The following KCNH6 variants were observed in gnomAD, a reference collection of about 807,000 sequenced individuals.
KCNH6 encodes the protein voltage-gated inwardly rectifying potassium channel KCNH6.
KCNH6 carries 81 observed loss-of-function variants against 83.4 expected under a neutral mutation model. That is an observed-to-expected ratio of 0.97 (90% confidence interval 0.81 to 1.17). KCNH6 has a LOEUF of 1.17. Ranked by LOEUF, KCNH6 falls within the 50% of genes most tolerant of loss-of-function variation. The pLI is 0.00. For synonymous variants in KCNH6, 503 were observed against 545.6 expected (o/e 0.92, Z 1.09); for missense variants, 1,203 against 1,290.5 (o/e 0.93, Z 1.04).
Position 63,533,786 on chromosome 17 carries a change from C to A in KCNH6, c.676-100C>A. ...TCTGCCCACCAGAGCCGTGGTCACC[C>A]ACCCTCTCCCACTACACCTTCCCCA... On this transcript the variant is annotated intron_variant, in intron 4 of 12. Coordinates refer to ENST00000314672, the MANE Select transcript of KCNH6 (RefSeq NM_001278919.2). This position sits in a 1 kb window ranked among gnomAD's most constrained non-coding sequence, Gnocchi z 4.1. 8.7e-7 allele frequency: 1 copy of A among 1,145,794 alleles called. No homozygotes were observed. The highest frequency in any genetic ancestry group is 1.2e-6 in the Non-Finnish European group (1 of 801,198). The allele number at this position is 1,145,794 out of a possible 1,614,324, so 71.0% of individuals were successfully genotyped here.
In KCNH6 at chr17:63,538,550, C is replaced by G. The variant is rs373314435; in HGVS notation, c.1842C>G (p.His614Gln). 1.7e-5 allele frequency: 28 copies of G among 1,611,436 alleles called. No homozygotes were observed. The African/African-American group carries it at 3.6e-4, about 21-fold the overall frequency. The part of the protein sequence containing the change: ...RALAVKFKTT[H>Q]APPGDTLVHL... ...TAGCCGTCAAGTTCAAGACCACCCACGCGCCGCCTGGGGACACGCTGGTGC... is the reference window on the plus strand; with the variant it reads ...TAGCCGTCAAGTTCAAGACCACCCAGGCGCCGCCTGGGGACACGCTGGTGC... Residue 614 changes from histidine (H) to glutamine (Q), a missense_variant, in exon 8 of 13, where the codon CAC becomes CAG. Transcript: ENST00000314672. The surrounding 1 kb of genome is among the most constrained non-coding windows in gnomAD (Gnocchi z 4.0).
chr17:63,547,332 C>G (rs138261654), downstream of KCNH6, among the ~76,000 whole-genome samples: 168 of 72,728 alleles, frequency 2.3e-3, 1 homozygote, highest in African/African-American at 8.4e-3. Flanking sequence ...GCCAGGAGTC[C>G]AAGGTTACAG....
At position 63,523,380 on chromosome 17, in the gene KCNH6, G is replaced by A; in HGVS notation, c.-34G>A. The A allele has an allele frequency of 1.3e-6, 2 of 1,563,492 alleles. No individual in the cohort carries two copies. The highest frequency in any genetic ancestry group is 1.7e-6 in the Non-Finnish European group (2 of 1,158,020). Reference sequence around the variant, plus strand: ...GACGGAGACGCCGGGAGCCAGTGGCGCCTGTGGCTCCGGGCAGGGGCCGCG... The same window carrying A: ...GACGGAGACGCCGGGAGCCAGTGGCACCTGTGGCTCCGGGCAGGGGCCGCG... On this transcript the variant is annotated 5_prime_UTR_variant, in exon 1 of 13. Transcript: ENST00000314672. The surrounding 1 kb of genome is among the most constrained non-coding windows in gnomAD (Gnocchi z 4.2).
chr17:63,541,855 C>G (rs1445509905), intron 8 of KCNH6, among the ~76,000 whole-genome samples: 1 of 152,220 alleles, frequency 6.6e-6, no homozygotes, highest in Non-Finnish European at 1.5e-5. Context: ...TCCCTGCACC[C>G]TGCTCCACAG....
rs759305615 is a variant in KCNH6 at position 63,545,782 on chromosome 17, A to G, written c.2757A>G (p.Gln919=). Residue 919 remains glutamine (Q), a synonymous_variant, in exon 13 of 13, where the codon CAA becomes CAG. Transcript: ENST00000314672. ...CACCTCTACATCCCCTGGAAGTACA[A>G]GGACTCATCTGTGGTCCCTGCTTCT... is the stretch of plus-strand genomic sequence containing the variant. ...LASPLHPLEV[Q]GLICGPCFSS... is the part of the protein sequence containing the mutation. 2 of 1,614,178 alleles carry G rather than the reference A, an allele frequency of 1.2e-6. No homozygotes were observed. Among genetic ancestry groups the G allele is most frequent in the Non-Finnish European group, 1.7e-6 (2 of 1,180,030 alleles).
intron 8 of KCNH6, among the ~76,000 whole-genome samples, chr17:63,539,334 C>T (rs2032728408): frequency 1.3e-5 from 2 of 152,156 alleles, no homozygotes; most frequent in Admixed American, 1.3e-4. Flanking sequence ...GCAGCCCTCC[C>T]CCTCTGCTTC....
At position 63,533,914 on chromosome 17, in the gene KCNH6, C is replaced by G. The variant is rs146488435; in HGVS notation, c.704C>G (p.Pro235Arg). 8.7e-6 allele frequency: 14 copies of G among 1,613,746 alleles called. No homozygotes were observed. The highest frequency in any genetic ancestry group is 1.0e-5 in the Non-Finnish European group (12 of 1,179,822). The change falls in exon 5 of 13, where the codon CCG (proline) becomes CGG (arginine). Residue 235 changes from proline (P) to arginine (R), a missense_variant. Physicochemically the swap from Pro to Arg is moderately radical, Grantham distance 103. Transcript: ENST00000314672. The surrounding 1 kb of genome is among the most constrained non-coding windows in gnomAD (Gnocchi z 4.1). ...QVLSLGADVL[P>R]EYKLQAPRIH... ...CTGTCCCTGGGCGCGGATGTGCTGC[C>G]GGAGTACAAGCTGCAGGCGCCGCGC...
chr17:63,540,466 A>G (rs1398600367), intron 8 of KCNH6, among the ~76,000 whole-genome samples: 2 of 151,920 alleles, frequency 1.3e-5, no homozygotes, highest in Non-Finnish European at 2.9e-5. Context: ...GGGAGGGATG[A>G]TTATTATTAT....
At chr17:63,528,726 C>G (rs2031883567) in intron 2 of KCNH6, among the ~76,000 whole-genome samples, 2 of 152,230 alleles carry the variant, frequency 1.3e-5, no homozygotes, top group Non-Finnish European at 2.9e-5. Context: ...GGATCCTGCC[C>G]TTTGGGCCTG....
Position 63,538,052 on chromosome 17 carries a change from G to GC in KCNH6, c.1502-9dup. 6.2e-7 allele frequency: 1 copy of GC among 1,610,540 alleles called. No homozygotes were observed. Among genetic ancestry groups the GC allele is most frequent in the South Asian group, 1.1e-5 (1 of 90,938 alleles). ...GGGGCCGCGGAGGAGCTCACTCTCC[G>GC]CCCCGCCCCCAGCCCTGATGTACGC... On this transcript the variant is annotated splice_polypyrimidine_tract_variant and intron_variant, in intron 6 of 12. Transcript: ENST00000314672. The surrounding 1 kb of genome is among the most constrained non-coding windows in gnomAD (Gnocchi z 4.0).
At position 63,535,888 on chromosome 17, in the gene KCNH6, G is replaced by A. The variant is rs1398991166; in HGVS notation, c.1321G>A (p.Gly441Ser). The change falls in exon 6 of 13, where the codon GGT becomes AGT. Residue 441 changes from glycine (G) to serine (S), a missense_variant. By Grantham distance (56) the Gly-to-Ser change is moderately conservative (BLOSUM62 0). Coordinates refer to ENST00000314672, the MANE Select transcript of KCNH6 (RefSeq NM_001278919.2). This position sits in a 1 kb window ranked among gnomAD's most constrained non-coding sequence, Gnocchi z 4.9. Reference protein sequence around the residue: ...EHKIGWLDSLGVQLGKRYNGS... With the variant: ...EHKIGWLDSLSVQLGKRYNGS... The stretch of plus-strand genomic sequence containing the variant: ...CAAGATCGGCTGGCTGGACAGCCTG[G>A]GTGTGCAGCTTGGCAAGCGCTACAA... 1 of 1,614,126 alleles carries A rather than the reference G, an allele frequency of 6.2e-7. No individual in the cohort carries two copies.
In KCNH6 at chr17:63,538,437, C is replaced by G. The variant is rs774318552; in HGVS notation, c.1729C>G (p.Gln577Glu). The G allele has an allele frequency of 1.1e-5, 18 of 1,602,308 alleles. No homozygotes were observed. Among genetic ancestry groups the G allele is most frequent in the Non-Finnish European group, 1.4e-5 (16 of 1,175,184 alleles). ...GCTGAAGGGCTTCCCCGAGTGCCTGCAGGCTGACATCTGCCTGCACCTGCA... is the reference window on the plus strand; with the variant it reads ...GCTGAAGGGCTTCCCCGAGTGCCTGGAGGCTGACATCTGCCTGCACCTGCA... ...AVLKGFPECL[Q>E]ADICLHLHRA... The change falls in exon 8 of 13, where the codon CAG (glutamine) becomes GAG (glutamate). Residue 577 changes from glutamine to glutamate, a missense_variant. Physicochemically the swap from Gln to Glu is conservative, Grantham distance 29 (BLOSUM62 2). Transcript: ENST00000314672. This position sits in a 1 kb window ranked among gnomAD's most constrained non-coding sequence, Gnocchi z 4.0.
In KCNH6 at chr17:63,534,020, G is replaced by A. The variant is rs767270955; in HGVS notation, c.810G>A (p.Thr270=). Residue 270 remains threonine, a synonymous_variant, in exon 5 of 13, where the codon ACG becomes ACA. Transcript: ENST00000314672. This position sits in a 1 kb window ranked among gnomAD's most constrained non-coding sequence, Gnocchi z 5.0. ...DWLILLLVIY[T]AVFTPYSAAF... ...TCATCCTGCTGCTGGTCATCTACACGGCTGTCTTCACGCCCTACTCAGCCG... is the reference window on the plus strand; with the variant it reads ...TCATCCTGCTGCTGGTCATCTACACAGCTGTCTTCACGCCCTACTCAGCCG... The A allele has an allele frequency of 3.0e-5, 48 of 1,614,036 alleles. No individual in the cohort carries two copies. Among genetic ancestry groups the A allele is most frequent in the East Asian group, 4.5e-5 (2 of 44,896 alleles).
chr17:63,539,065 A>G (rs1462291468), intron 8 of KCNH6, among the ~76,000 whole-genome samples: 1 of 152,178 alleles, frequency 6.6e-6, no homozygotes. Flanking sequence ...CAGTGCAGAC[A>G]CAGGGATAGC....
At position 63,542,431 on chromosome 17, in the gene KCNH6, G is replaced by T; in HGVS notation, c.2145G>T (p.Arg715=). ...WSKLEVTFNL[R]DAAGGLHSSP... ...AGCTGGAGGTCACCTTCAACCTGCGGGACGTGAGTCAGGGCCAGGTGGGCC... is the reference window on the plus strand; with the variant it reads ...AGCTGGAGGTCACCTTCAACCTGCGTGACGTGAGTCAGGGCCAGGTGGGCC... Residue 715 remains arginine (R), a synonymous_variant, in exon 9 of 13, where the codon CGG becomes CGT. Transcript: ENST00000314672. 3 of 1,613,730 alleles carry T rather than the reference G, an allele frequency of 1.9e-6. No homozygotes were observed. Among genetic ancestry groups the T allele is most frequent in the Non-Finnish European group, 2.5e-6 (3 of 1,179,796 alleles).
chr17:63,524,033 T>G lies in KCNH6; in HGVS notation c.77-106T>G. The G allele has an allele frequency of 1.3e-5, 10 of 798,244 alleles. No homozygotes were observed. In the South Asian group the frequency reaches 1.5e-4, roughly 12 times the overall value. 49.4% of individuals were successfully genotyped at this position (798,244 alleles called of 1,614,324 possible). A position where few individuals can be genotyped will look rare whatever the true frequency, so the allele number is the denominator to read the frequency against. ...CTCATTCCGGTCACTGCCCTGCTCC[T>G]CTGCCTAAATTCCCCTTACTGCCAC... On this transcript the variant is annotated intron_variant, in intron 1 of 12. Transcript: ENST00000314672.
In KCNH6 at chr17:63,534,586, G is replaced by A. The variant is rs377132995; in HGVS notation, c.1101+275G>A. Among the ~76,000 whole-genome samples the A allele has an allele frequency of 1.3e-5, 2 of 151,902 alleles. No homozygotes were observed. The highest frequency in any genetic ancestry group is 2.9e-5 in the Non-Finnish European group (2 of 67,946). ...GCTGCCCCTTCCAGGATGGGCACTCGTGTGGTCCCGGCCCCTCATGCTGAC... is the reference window on the plus strand; with the variant it reads ...GCTGCCCCTTCCAGGATGGGCACTCATGTGGTCCCGGCCCCTCATGCTGAC... On this transcript the variant is annotated intron_variant, in intron 5 of 12. Transcript: ENST00000314672. The surrounding 1 kb of genome is among the most constrained non-coding windows in gnomAD (Gnocchi z 5.0).
Position 63,533,765 on chromosome 17 carries a change from C to A in KCNH6, c.676-121C>A. 2.4e-6 allele frequency: 2 copies of A among 845,420 alleles called. No individual in the cohort carries two copies. Among genetic ancestry groups the A allele is most frequent in the South Asian group, 1.7e-5 (1 of 60,154 alleles). 52.4% of individuals were successfully genotyped at this position (845,420 alleles called of 1,614,324 possible). A position where few individuals can be genotyped will look rare whatever the true frequency, so the allele number is the denominator to read the frequency against. On this transcript the variant is annotated intron_variant, in intron 4 of 12. Transcript: ENST00000314672. The surrounding 1 kb of genome is among the most constrained non-coding windows in gnomAD (Gnocchi z 4.1). Reference sequence around the variant, plus strand: ...CCCCATCTCTCCCTCATCCCCTCTGCCCACCAGAGCCGTGGTCACCCACCC... The same window carrying A: ...CCCCATCTCTCCCTCATCCCCTCTGACCACCAGAGCCGTGGTCACCCACCC...
chr17:63,530,601 A>G, intron 4 of KCNH6, 59 bp downstream of exon 4: 2 of 1,517,496 alleles, frequency 1.3e-6, no homozygotes, highest in Admixed American at 1.7e-5. Flanking sequence ...GTCCCCTCCC[A>G]GGCTCTGGGC....
Sources: gnomAD v4.1 joint callset for allele counts (sites outside exome capture counted in the v4.1 genomes callset) on GRCh38, gnomAD v4.1.1 for gene constraint, Gnocchi (gnomAD v3.1) non-coding constraint, MANE v1.5 for transcripts, NCBI Gene and HGNC (gene_info 2026-07-23, HGNC 2026-07-21) for gene names.